Variants in CNKSR2 observed in about 807,000 individuals in gnomAD.
CNKSR2 encodes connector enhancer of kinase suppressor of Ras 2.
CNKSR2 carries 14 observed loss-of-function variants against 84.4 expected under a neutral mutation model. The ratio of observed to expected loss-of-function variants is 0.17; its 90% CI spans 0.11 to 0.26. CNKSR2 has a LOEUF of 0.26. CNKSR2 is among the 10% of genes least tolerant of loss of function. CNKSR2 has a pLI of 1.00. For synonymous variants in CNKSR2, 275 were observed against 277.9 expected (o/e 0.99, Z 0.10); for missense variants, 485 against 771.2 (o/e 0.63, Z 4.40).
intron 13 of CNKSR2, among the ~76,000 whole-genome samples, chrX:21,577,530 A>G (rs763169018): frequency 9.0e-6 from 1 of 110,894 alleles, no homozygotes; most frequent in East Asian, 2.8e-4. Context: ...TTGATCAGAG[A>G]GCGTAAAGAA....
chrX:21,485,141 C>G lies in CNKSR2; in HGVS notation c.562-5318C>G, dbSNP rs763524912. Among the ~76,000 whole-genome samples, 8 of 111,194 alleles carry G rather than the reference C, an allele frequency of 7.2e-5. 1 individual carries two copies. Among genetic ancestry groups the G allele is most frequent in the African/African-American group, 1.6e-4 (5 of 30,607 alleles). On this transcript the variant is annotated intron_variant, in intron 5 of 21. Coordinates refer to ENST00000379510, the MANE Select transcript of CNKSR2 (RefSeq NM_014927.5). The stretch of plus-strand genomic sequence containing the variant: ...GAGGTGGCAGTGAGCCAAGATCATG[C>G]CACTGCACTCCAGCCTGGGCAACAA...
At chrX:21,378,168 A>G (rs958253524) in intron 1 of CNKSR2, among the ~76,000 whole-genome samples, 1 of 111,650 alleles carries the variant, frequency 9.0e-6, no homozygotes, top group Non-Finnish European at 1.9e-5. Context: ...ATCCCAAATT[A>G]TCCTGATAGT....
chrX:21,480,309 A>G (rs746085003), intron 5 of CNKSR2, among the ~76,000 whole-genome samples: 10 of 111,760 alleles, frequency 8.9e-5, no homozygotes, highest in Non-Finnish European at 1.7e-4. Flanking sequence ...GTCCCTATTT[A>G]TCCATAAAGT....
chrX:21,606,811 G>A lies in CNKSR2; in HGVS notation c.2077G>A (p.Asp693Asn). Residue 693 changes from aspartate (D) to asparagine (N), a missense_variant, in exon 19 of 22, where the codon GAT (aspartate) becomes AAT (asparagine). This residue lies in a region of CNKSR2 where 210 missense variants were observed against 291.5 expected (regional missense o/e 0.72). Coordinates refer to ENST00000379510, the MANE Select transcript of CNKSR2 (RefSeq NM_014927.5). ...GAGTGAGAGTGACAAGGAAGAAGCA[G>A]ATACTCCATCAACACCAAAACAAGA... ...YWSESDKEEADTPSTPKQDSP... is the reference protein window; with the variant it reads ...YWSESDKEEANTPSTPKQDSP... 8.3e-7 allele frequency: 1 copy of A among 1,201,408 alleles called. No homozygotes were observed. The highest frequency in any genetic ancestry group is 1.1e-6 in the Non-Finnish European group (1 of 887,576).
At chrX:21,383,683 T>C (rs1010646391) in intron 1 of CNKSR2, among the ~76,000 whole-genome samples, 2 of 111,482 alleles carry the variant, frequency 1.8e-5, no homozygotes, top group Middle Eastern at 4.2e-3. Flanking sequence ...ATCTTTTTTT[T>C]TTTTTGGTGT....
intron 1 of CNKSR2, among the ~76,000 whole-genome samples, 175 bp downstream of exon 1, chrX:21,375,136 C>T (rs960956979): frequency 8.9e-6 from 1 of 112,556 alleles, no homozygotes; most frequent in African/African-American, 3.2e-5. Flanking sequence ...TCCCCGGTCT[C>T]CTTTTGTCTC....
chrX:21,550,829 A>G (rs907432003), intron 11 of CNKSR2, among the ~76,000 whole-genome samples: 2 of 110,602 alleles, frequency 1.8e-5, no homozygotes, highest in Admixed American at 1.9e-4. Flanking sequence ...TGAGCTCAGG[A>G]GTTGGAGACC....
intron 11 of CNKSR2, among the ~76,000 whole-genome samples, chrX:21,553,134 A>G (rs1788458502): frequency 9.0e-6 from 1 of 111,486 alleles, no homozygotes; most frequent in African/African-American, 3.3e-5. Flanking sequence ...AAGAGTTGCA[A>G]ACTGGCTGTG....
intron 7 of CNKSR2, among the ~76,000 whole-genome samples, chrX:21,500,848 G>T (rs2091552401): frequency 9.0e-6 from 1 of 111,255 alleles, no homozygotes; most frequent in Non-Finnish European, 1.9e-5. Flanking sequence ...TACACTATAT[G>T]TAACATGAGA....
chrX:21,564,014 G>A (rs1465676714), intron 13 of CNKSR2, among the ~76,000 whole-genome samples: 1 of 111,018 alleles, frequency 9.0e-6, no homozygotes, highest in African/African-American at 3.3e-5. Flanking sequence ...AAAGGCTTCA[G>A]AGTGGGGAGC....
Position 21,652,312 on chromosome X carries a change from G to A in CNKSR2, c.2896G>A (p.Glu966Lys). The A allele has an allele frequency of 1.7e-6, 2 of 1,203,710 alleles. No individual in the cohort carries two copies. Among genetic ancestry groups the A allele is most frequent in the Non-Finnish European group, 2.3e-6 (2 of 888,397 alleles). The change falls in exon 22 of 22, where the codon GAA becomes AAA. Residue 966 changes from glutamate (E) to lysine (K), a missense_variant. By Grantham distance (56) the Glu-to-Lys change is moderately conservative. Around this residue, in one of 5 missense-constraint regions of CNKSR2, gnomAD observed 210 missense variants for 291.5 expected, o/e 0.72. Coordinates refer to ENST00000379510, the MANE Select transcript of CNKSR2 (RefSeq NM_014927.5). ...RILKSTLKAREGEVAIIDKVL... is the reference protein window; with the variant it reads ...RILKSTLKARKGEVAIIDKVL... ...GAATCCTTTTTCTTTTCAGGCCAGAGAAGGGGAAGTAGCCATTATCGATAA... is the reference window on the plus strand; with the variant it reads ...GAATCCTTTTTCTTTTCAGGCCAGAAAAGGGGAAGTAGCCATTATCGATAA...
At position 21,651,461 on chromosome X, in the gene CNKSR2, C is replaced by A. The variant is rs540098676; in HGVS notation, c.2890-845C>A. Among the ~76,000 whole-genome samples, 6 of 111,802 alleles carry A rather than the reference C, an allele frequency of 5.4e-5. No individual in the cohort carries two copies. The South Asian group carries it at 1.9e-3, about 35-fold the overall frequency. On this transcript the variant is annotated intron_variant, in intron 21 of 21. Transcript: ENST00000379510. ...CTCAGTCCCAGCCCTCTTCCATATTCTGGTCTGTGAGGCCAGACCAACTTC... is the reference window on the plus strand; with the variant it reads ...CTCAGTCCCAGCCCTCTTCCATATTATGGTCTGTGAGGCCAGACCAACTTC...
chrX:21,440,877 G>C (rs1393672003), intron 4 of CNKSR2, 96 bp downstream of exon 4: 1 of 458,836 alleles, frequency 2.2e-6, no homozygotes, highest in Non-Finnish European at 3.6e-6. Context: ...TTAAGATACT[G>C]GTTTAGAAGT....
chrX:21,457,736 G>A (rs1375846834), intron 4 of CNKSR2, among the ~76,000 whole-genome samples: 1 of 111,502 alleles, frequency 9.0e-6, no homozygotes, highest in Non-Finnish European at 1.9e-5. Flanking sequence ...ATGGAATCAG[G>A]GCCTTGTTCA....
intron 13 of CNKSR2, among the ~76,000 whole-genome samples, chrX:21,564,156 T>C (rs1388566577): frequency 1.8e-5 from 2 of 111,467 alleles, no homozygotes; most frequent in South Asian, 3.8e-4. Flanking sequence ...TTATTAACAA[T>C]TGGAGGAAAT....
chrX:21,375,927 CT>C (rs1276333772), intron 1 of CNKSR2, among the ~76,000 whole-genome samples: 4 of 111,745 alleles, frequency 3.6e-5, no homozygotes, highest in Non-Finnish European at 7.5e-5. Flanking sequence ...CCACCAACCC[CT>C]TGGATCCTCA....
chrX:21,589,131 G>A (rs1478450238), intron 13 of CNKSR2, among the ~76,000 whole-genome samples: 1 of 111,948 alleles, frequency 8.9e-6, no homozygotes, highest in African/African-American at 3.2e-5. Context: ...GTGTATGTGT[G>A]TACACACACA....
intron 11 of CNKSR2, among the ~76,000 whole-genome samples, chrX:21,537,232 A>G (rs1265028738): frequency 1.8e-5 from 2 of 111,802 alleles, no homozygotes; most frequent in African/African-American, 3.2e-5. Flanking sequence ...ATCTGAAAAG[A>G]TACTTGATAG....
chrX:21,580,704 G>C (rs1008739338), intron 13 of CNKSR2, among the ~76,000 whole-genome samples: 1 of 111,609 alleles, frequency 9.0e-6, no homozygotes, highest in Non-Finnish European at 1.9e-5. Context: ...TGGGTTTCAT[G>C]CATCTCTGTT....
Sources: allele counts gnomAD v4.1 joint callset (sites outside exome capture counted in the v4.1 genomes callset), GRCh38; gene constraint gnomAD v4.1.1; regional missense constraint gnomAD v4.1.1; transcripts MANE v1.5; gene names NCBI Gene and HGNC (gene_info 2026-07-23, HGNC 2026-07-21).